The following TEC variants were observed in gnomAD, a reference collection of about 807,000 sequenced individuals.
The protein encoded by TEC is tec protein tyrosine kinase.
In TEC, 72 loss-of-function variants were observed where a neutral mutation model predicts 93.0. The observed-to-expected ratio is 0.77, with a 90% CI of 0.64 to 0.94. The LOEUF is 0.94. TEC is among the 40% of genes least tolerant of loss of function. The pLI is 0.00. For missense variants in TEC, 630 were observed against 757.9 expected, an observed-to-expected ratio of 0.83 and a Z score of 1.98; for synonymous variants, 249 against 247.7, an observed-to-expected ratio of 1.01 and a Z score of -0.05.
intron 2 of TEC, among the ~76,000 whole-genome samples, chr4:48,219,633 TTCTC>T (rs374194072): frequency 6.6e-6 from 1 of 150,446 alleles, no homozygotes; most frequent in African/African-American, 2.4e-5. Context: ...GTATGCTGCC[TTCTC>T]TCTCTCTCTC....
intron 8 of TEC, among the ~76,000 whole-genome samples, chr4:48,160,745 G>A (rs545433532): frequency 8.1e-6 from 1 of 123,734 alleles, no homozygotes; most frequent in African/African-American, 3.0e-5. Flanking sequence ...AAAAAAGAAA[G>A]AAAGAAAGAA....
intron 2 of TEC, among the ~76,000 whole-genome samples, chr4:48,181,403 C>T (rs1021952048): frequency 2.0e-5 from 3 of 151,892 alleles, no homozygotes; most frequent in African/African-American, 7.3e-5. Context: ...GGCTGGGCAC[C>T]GTGGTTCACT....
At chr4:48,174,583 T>C (rs1376779198) in intron 3 of TEC, among the ~76,000 whole-genome samples, 1 of 151,556 alleles carries the variant, frequency 6.6e-6, no homozygotes, top group African/African-American at 2.4e-5. Context: ...CGCTTGAACC[T>C]GGGAAGTGGA....
At chr4:48,140,962 G>A (rs1396432490) in intron 15 of TEC, among the ~76,000 whole-genome samples, 4 of 152,102 alleles carry the variant, frequency 2.6e-5, no homozygotes, top group Non-Finnish European at 5.9e-5. Flanking sequence ...ATGGGTGGAT[G>A]TATGGATGAA....
At chr4:48,196,610 G>A (rs898128665) in intron 2 of TEC, among the ~76,000 whole-genome samples, 5 of 152,188 alleles carry the variant, frequency 3.3e-5, no homozygotes, top group Admixed American at 6.5e-5. Flanking sequence ...ATTAAGAAAC[G>A]ATCCTCACAC....
rs115427916 is a variant in TEC at position 48,174,182 on chromosome 4, T to G, written c.243+1900A>C. 7.2e-3 allele frequency among the ~76,000 whole-genome samples: 1,090 copies of G among 152,346 alleles called. 15 individuals are homozygous for G. Among genetic ancestry groups the G allele is most frequent in the African/African-American group, 0.025 (1,028 of 41,574 alleles). Reference sequence around the variant, plus strand: ...TCTCATATTTATTCATCTCAACAATTTTAGTAGTTCAGGGATGGAATGCGT... The same window carrying G: ...TCTCATATTTATTCATCTCAACAATGTTAGTAGTTCAGGGATGGAATGCGT... On this transcript the variant is annotated intron_variant, in intron 3 of 17. Coordinates refer to ENST00000381501, the MANE Select transcript of TEC (RefSeq NM_003215.3).
intron 15 of TEC, among the ~76,000 whole-genome samples, chr4:48,139,609 T>C (rs962260627): frequency 2.0e-5 from 3 of 152,224 alleles, no homozygotes; most frequent in African/African-American, 7.2e-5. Flanking sequence ...AACAATACTA[T>C]ATAATTTTTC....
chr4:48,168,763 C>T, intron 5 of TEC, 137 bp from the exon 6 acceptor site: 1 of 791,710 alleles, frequency 1.3e-6, no homozygotes, highest in African/African-American at 1.8e-5. Context: ...CTGGTGTATG[C>T]TGCTTGTATC....
intron 9 of TEC, among the ~76,000 whole-genome samples, chr4:48,154,704 G>C (rs964747875): frequency 6.6e-6 from 1 of 152,088 alleles, no homozygotes; most frequent in Non-Finnish European, 1.5e-5. Context: ...AGAAAGGAAA[G>C]AGTCATGGAA....
intron 15 of TEC, among the ~76,000 whole-genome samples, chr4:48,139,297 G>A (rs1384757437): frequency 6.6e-6 from 1 of 152,082 alleles, no homozygotes; most frequent in Non-Finnish European, 1.5e-5. Context: ...GTAGAGACAA[G>A]GTATCATAAA....
At chr4:48,166,698 C>CA (rs985629307) in intron 7 of TEC, among the ~76,000 whole-genome samples, 1 of 147,218 alleles carries the variant, frequency 6.8e-6, no homozygotes, top group African/African-American at 2.5e-5. Context: ...ATTTCTACAA[C>CA]AAAAAAAAAT....
chr4:48,264,166 AATCT>A (rs1724571877), intron 1 of TEC, among the ~76,000 whole-genome samples: 1 of 152,238 alleles, frequency 6.6e-6, no homozygotes, highest in South Asian at 2.1e-4. Context: ...GCCAAGAAAT[AATCT>A]GATTTACACC....
chr4:48,189,174 T>G (rs946058018), intron 2 of TEC, among the ~76,000 whole-genome samples: 1 of 152,246 alleles, frequency 6.6e-6, no homozygotes, highest in African/African-American at 2.4e-5. Flanking sequence ...CTAAGTAGTA[T>G]ATGTAACGGC....
At chr4:48,156,653 G>C (rs1049244686) in intron 9 of TEC, 27 bp downstream of exon 9, 1 of 1,596,192 alleles carries the variant, frequency 6.3e-7, no homozygotes, top group Non-Finnish European at 8.5e-7. Context: ...TTGCCCTTAA[G>C]CCAAACCCAC....
intron 7 of TEC, among the ~76,000 whole-genome samples, chr4:48,165,398 G>T (rs76553225): frequency 2.0e-5 from 3 of 152,246 alleles, no homozygotes; most frequent in Non-Finnish European, 4.4e-5. Flanking sequence ...CTTCTTTAGA[G>T]AACTACTAAA....
chr4:48,234,435 A>T (rs1723724141), intron 1 of TEC, among the ~76,000 whole-genome samples: 2 of 152,226 alleles, frequency 1.3e-5, no homozygotes, highest in South Asian at 4.1e-4. Flanking sequence ...CCCAAAATGA[A>T]TGACACTGAG....
At chr4:48,154,435 T>C (rs1432986556) in intron 9 of TEC, among the ~76,000 whole-genome samples, 1 of 152,164 alleles carries the variant, frequency 6.6e-6, no homozygotes, top group Non-Finnish European at 1.5e-5. Flanking sequence ...TACTGGAAAT[T>C]AGTACTACTA....
chr4:48,162,474 C>T (rs1245629592), intron 8 of TEC, among the ~76,000 whole-genome samples: 1 of 152,192 alleles, frequency 6.6e-6, no homozygotes, highest in Non-Finnish European at 1.5e-5. Context: ...TCCTCTTTCC[C>T]CAAATTCAAT....
chr4:48,146,464 C>T (rs766153608), intron 11 of TEC, 65 bp from the exon 12 acceptor site: 16 of 1,435,686 alleles, frequency 1.1e-5, no homozygotes, highest in African/African-American at 1.4e-5. Context: ...TCACATGCTA[C>T]AGGAAACTCA....
Sources: gnomAD v4.1 joint callset for allele counts (sites outside exome capture counted in the v4.1 genomes callset) on GRCh38, gnomAD v4.1.1 for gene constraint, MANE v1.5 for transcripts, NCBI Gene and HGNC (gene_info 2026-07-23, HGNC 2026-07-21) for gene names.